CYTH3: variants seen among roughly 807,000 people sequenced by gnomAD.
CYTH3 encodes cytohesin-3.
CYTH3 carries 23 observed loss-of-function variants against 55.1 expected under a neutral mutation model. The ratio of observed to expected loss-of-function variants is 0.42; its 90% CI spans 0.30 to 0.59. CYTH3 has a LOEUF of 0.59. CYTH3 is among the 20% of genes least tolerant of loss of function. The probability of loss-of-function intolerance (pLI) is 0.20; values close to 1 mark genes in which losing one functional copy is unlikely to be tolerated. For synonymous variants in CYTH3, 249 were observed against 194.9 expected (o/e 1.28, Z -2.31); for missense variants, 413 against 524.8 (o/e 0.79, Z 2.08).
In CYTH3 at chr7:6,190,427, GGTT is replaced by G; in HGVS notation, c.117+19_117+21del. On this transcript the variant is annotated intron_variant, in intron 2 of 12. Coordinates refer to ENST00000350796, the MANE Select transcript of CYTH3 (RefSeq NM_004227.4). ...GCAAAAAACAGAGTTTTGGATTTTT[GGTT>G]TTTTTTTTTTTTTTTTACCTCAATG... The G allele has an allele frequency of 8.0e-7, 1 of 1,247,494 alleles. No individual in the cohort carries two copies. The highest frequency in any genetic ancestry group is 1.0e-6 in the Non-Finnish European group (1 of 960,376). The allele number at this position is 1,247,494 out of a possible 1,614,324, so 77.3% of individuals were successfully genotyped here.
chr7:6,171,031 G>A lies in CYTH3; in HGVS notation c.563-53C>T. 1 of 1,606,330 alleles carries A rather than the reference G, an allele frequency of 6.2e-7. No individual in the cohort carries two copies. Among genetic ancestry groups the A allele is most frequent in the South Asian group, 1.1e-5 (1 of 90,586 alleles). On this transcript the variant is annotated intron_variant, in intron 7 of 12. Transcript: ENST00000350796. This position sits in a 1 kb window ranked among gnomAD's most constrained non-coding sequence, Gnocchi z 6.7. ...AGCCAGAACCTCCAGTGGACAGTGG[G>A]ACCCCGCGTGCTGGGGGCCCGCCTG...
At chr7:6,233,205 T>C (rs576563283) in intron 1 of CYTH3, among the ~76,000 whole-genome samples, 1 of 152,216 alleles carries the variant, frequency 6.6e-6, no homozygotes, top group South Asian at 2.1e-4. Flanking sequence ...CAGCTAGACA[T>C]CTCCAATAGG....
At chr7:6,183,986 G>A (rs575933323) in intron 4 of CYTH3, among the ~76,000 whole-genome samples, 1 of 149,980 alleles carries the variant, frequency 6.7e-6, no homozygotes, top group East Asian at 2.0e-4. Flanking sequence ...CCCTCATCTC[G>A]GACTTCCAGC....
At chr7:6,213,116 T>C (rs1412648761) in intron 1 of CYTH3, among the ~76,000 whole-genome samples, 1 of 152,240 alleles carries the variant, frequency 6.6e-6, no homozygotes, top group Non-Finnish European at 1.5e-5. Context: ...GGGTTCTTCC[T>C]TGTCTGGTTC....
intron 1 of CYTH3, among the ~76,000 whole-genome samples, chr7:6,243,646 T>TA (rs1486798694): frequency 6.6e-6 from 1 of 152,236 alleles, no homozygotes; most frequent in East Asian, 1.9e-4. Context: ...CTTCTGCGTA[T>TA]AATTAAATTA....
At chr7:6,177,248 C>T (rs1783375318) in intron 5 of CYTH3, among the ~76,000 whole-genome samples, 1 of 152,082 alleles carries the variant, frequency 6.6e-6, no homozygotes, top group African/African-American at 2.4e-5. Flanking sequence ...AAACCAAAAC[C>T]GCCCAACTTT....
chr7:6,181,320 C>T (rs990806874), intron 4 of CYTH3, among the ~76,000 whole-genome samples: 1 of 152,224 alleles, frequency 6.6e-6, no homozygotes, highest in African/African-American at 2.4e-5. Context: ...TCCAATTACA[C>T]AATTCCTAGA....
intron 1 of CYTH3, among the ~76,000 whole-genome samples, chr7:6,249,915 G>T (rs753642011): frequency 6.6e-6 from 1 of 152,122 alleles, no homozygotes; most frequent in South Asian, 2.1e-4. Flanking sequence ...CATACAATAC[G>T]TTATCTCTAA....
chr7:6,233,564 G>C (rs1779439950), intron 1 of CYTH3, among the ~76,000 whole-genome samples: 1 of 150,998 alleles, frequency 6.6e-6, no homozygotes, highest in Non-Finnish European at 1.5e-5. Context: ...GCTGAGGCAG[G>C]AGAATCGCTT....
At chr7:6,215,873 A>G (rs1784413948) in intron 1 of CYTH3, among the ~76,000 whole-genome samples, 1 of 152,144 alleles carries the variant, frequency 6.6e-6, no homozygotes, top group South Asian at 2.1e-4. Flanking sequence ...CAAAACCACA[A>G]TGGCCAGAGG....
At chr7:6,179,729 A>AC (rs1562881485) in intron 4 of CYTH3, among the ~76,000 whole-genome samples, 76 of 94,102 alleles carry the variant, frequency 8.1e-4, no homozygotes, top group African/African-American at 2.8e-3. Flanking sequence ...CACCACACAC[A>AC]CACACCCACC....
At chr7:6,173,240 G>T (rs2128538396) in intron 6 of CYTH3, among the ~76,000 whole-genome samples, 1 of 152,250 alleles carries the variant, frequency 6.6e-6, no homozygotes, top group Middle Eastern at 3.4e-3. Context: ...CACCAAAATG[G>T]CGAGACACCT....
chr7:6,266,387 G>A (rs374077939), intron 1 of CYTH3, among the ~76,000 whole-genome samples: 1 of 152,208 alleles, frequency 6.6e-6, no homozygotes, highest in Non-Finnish European at 1.5e-5. Context: ...AAATTAAGAC[G>A]CAGAAAGTAC....
At chr7:6,221,987 T>C (rs1018597048) in intron 1 of CYTH3, among the ~76,000 whole-genome samples, 6 of 152,152 alleles carry the variant, frequency 3.9e-5, no homozygotes, top group African/African-American at 1.2e-4. Flanking sequence ...AAACAGTCTT[T>C]ATATTGCATA....
intron 1 of CYTH3, among the ~76,000 whole-genome samples, chr7:6,257,102 G>T (rs1211561178): frequency 6.6e-6 from 1 of 152,072 alleles, no homozygotes; most frequent in East Asian, 1.9e-4. Context: ...CTTATCCAAC[G>T]TGAAGATTTT....
At chr7:6,209,842 G>C (rs1784283914) in intron 1 of CYTH3, among the ~76,000 whole-genome samples, 1 of 152,174 alleles carries the variant, frequency 6.6e-6, no homozygotes, top group Non-Finnish European at 1.5e-5. Flanking sequence ...ATGGCTAAGT[G>C]AAAGAAGCCA....
Position 6,171,555 on chromosome 7 carries a change from G to A in CYTH3, c.450-241C>T, listed in dbSNP as rs531454308. On this transcript the variant is annotated intron_variant, in intron 6 of 12. Coordinates refer to ENST00000350796, the MANE Select transcript of CYTH3 (RefSeq NM_004227.4). This position sits in a 1 kb window ranked among gnomAD's most constrained non-coding sequence, Gnocchi z 6.7. ...TTGTAACTACAACCAATTCAGCAGC[G>A]AGGCCGGTTGTCTCTGCCTAAAAAG... Among the ~76,000 whole-genome samples, 12 of 152,220 alleles carry A rather than the reference G, an allele frequency of 7.9e-5. No homozygotes were observed. Among genetic ancestry groups the A allele is most frequent in the South Asian group, 2.1e-4 (1 of 4,816 alleles).
At chr7:6,205,757 A>T (rs924461477) in intron 1 of CYTH3, among the ~76,000 whole-genome samples, 8 of 151,848 alleles carry the variant, frequency 5.3e-5, no homozygotes, top group African/African-American at 1.9e-4. Flanking sequence ...CATACCTGTA[A>T]TCCTATCTAT....
Position 6,259,760 on chromosome 7 carries a change from T to TATATATATA in CYTH3, c.34+12705_34+12713dup, listed in dbSNP as rs1780246019. Among the ~76,000 whole-genome samples the TATATATATA allele has an allele frequency of 4.6e-4, 12 of 25,900 alleles. 1 individual carries two copies. The South Asian group carries it at 5.8e-3, about 12-fold the overall frequency. 17.0% of individuals were successfully genotyped at this position (25,900 alleles called of 152,430 possible). A position where few individuals can be genotyped will look rare whatever the true frequency, so the allele number is the denominator to read the frequency against. Reference sequence around the variant, plus strand: ...ATATATATAATATATATATATATTATATATATATATATTATATATATATAA... The same window carrying TATATATATA: ...ATATATATAATATATATATATATTATATATATATAATATATATATATTATATATATATAA... On this transcript the variant is annotated intron_variant, in intron 1 of 12. Transcript: ENST00000350796.
Sources: gnomAD v4.1 joint callset for allele counts (sites outside exome capture counted in the v4.1 genomes callset) on GRCh38, gnomAD v4.1.1 for gene constraint, Gnocchi (gnomAD v3.1) non-coding constraint, MANE v1.5 for transcripts, NCBI Gene and HGNC (gene_info 2026-07-23, HGNC 2026-07-21) for gene names.